The following POLDIP3 variants were observed in gnomAD, a reference collection of about 807,000 sequenced individuals.
POLDIP3 encodes the protein polymerase delta-interacting protein 3.
In POLDIP3, 14 loss-of-function variants were observed where a neutral mutation model predicts 45.1. The ratio of observed to expected loss-of-function variants is 0.31; its 90% CI spans 0.20 to 0.49. The LOEUF (loss-of-function observed/expected upper bound fraction) is 0.49, where lower values mean the gene tolerates loss of function less well. POLDIP3 is among the 20% of genes least tolerant of loss of function. The pLI, the probability that POLDIP3 is intolerant of heterozygous loss-of-function variation, is 0.99. For missense variants in POLDIP3, 511 were observed against 538.8 expected (o/e 0.95, Z 0.51); for synonymous variants, 223 against 205.2 (o/e 1.09, Z -0.74).
At chr22:42,612,551 C>T (rs965666639) in intron 1 of POLDIP3, among the ~76,000 whole-genome samples, 10 of 152,194 alleles carry the variant, frequency 6.6e-5, no homozygotes, top group East Asian at 1.9e-4. Context: ...CCTTCTGGCC[C>T]GGCGCAGTGT....
rs569033722 is a variant in POLDIP3 at position 42,602,031 on chromosome 22, G to A, written c.476C>T (p.Pro159Leu). Reference sequence around the variant, plus strand: ...CATTCCGGCAGGATGGGGATGAAGTGGTGCCATGGCTTTCTGCTGTGGAAC... The same window carrying A: ...CATTCCGGCAGGATGGGGATGAAGTAGTGCCATGGCTTTCTGCTGTGGAAC... ...IQVPQQKAMAPLHPHPAGMRI... is the reference protein window; with the variant it reads ...IQVPQQKAMALLHPHPAGMRI... The change falls in exon 3 of 9, where the codon CCA becomes CTA. Residue 159 changes from proline to leucine, a missense_variant. Pro to Leu is a moderately conservative substitution (Grantham distance 98). This residue lies in a region of POLDIP3 where 378 missense variants were observed against 352.3 expected (regional missense o/e 1.07). Coordinates refer to ENST00000252115, the MANE Select transcript of POLDIP3 (RefSeq NM_032311.5). 2 of 1,614,142 alleles carry A rather than the reference G, an allele frequency of 1.2e-6. No homozygotes were observed. The highest frequency in any genetic ancestry group is 1.7e-6 in the Non-Finnish European group (2 of 1,180,002).
chr22:42,598,738 C>T (rs1276557982), intron 4 of POLDIP3, among the ~76,000 whole-genome samples: 1 of 152,172 alleles, frequency 6.6e-6, no homozygotes, highest in Admixed American at 6.6e-5. Flanking sequence ...AGGACAGTAA[C>T]CAAAACTGAG....
intron 1 of POLDIP3, among the ~76,000 whole-genome samples, chr22:42,606,456 C>A (rs972249343): frequency 1.3e-5 from 2 of 152,050 alleles, no homozygotes; most frequent in African/African-American, 4.8e-5. Context: ...TATAGTGAGA[C>A]TCCATCTCTA....
chr22:42,584,849 G>C lies in POLDIP3; in HGVS notation c.*942C>G. ...ACTGTCCTGTAGACAACTGAGGCCA[G>C]AAATGGAGAGCCAGGAACAAACTGA... is the stretch of plus-strand genomic sequence containing the variant. On this transcript the variant is annotated 3_prime_UTR_variant, in exon 9 of 9. Coordinates refer to ENST00000252115, the MANE Select transcript of POLDIP3 (RefSeq NM_032311.5). The C allele has an allele frequency of 2.2e-6, 1 of 455,506 alleles. No homozygotes were observed. The highest frequency in any genetic ancestry group is 1.6e-5 in the South Asian group (1 of 64,516). The allele number at this position is 455,506 out of a possible 1,614,324, so 28.2% of individuals were successfully genotyped here. A position where few individuals can be genotyped will look rare whatever the true frequency, so the allele number is the denominator to read the frequency against.
chr22:42,613,887 T>A (rs1245715510), intron 1 of POLDIP3, among the ~76,000 whole-genome samples: 2 of 152,252 alleles, frequency 1.3e-5, no homozygotes, highest in Admixed American at 1.3e-4. Context: ...TGGGAAACTA[T>A]TGGGCAAAGT....
intron 2 of POLDIP3, 160 bp from the exon 3 acceptor site, chr22:42,602,216 A>C: frequency 8.6e-7 from 1 of 1,161,460 alleles, no homozygotes; most frequent in Non-Finnish European, 1.2e-6. Context: ...GTAACAGAAG[A>C]ATCATCAATC....
chr22:42,587,364 A>G (rs1925374707), intron 8 of POLDIP3, 142 bp downstream of exon 8: 1 of 859,754 alleles, frequency 1.2e-6, no homozygotes, highest in East Asian at 2.4e-5. Flanking sequence ...AAGTTTAAGC[A>G]TATGAAACGG....
chr22:42,591,882 C>T, intron 7 of POLDIP3, 73 bp downstream of exon 7: 2 of 1,594,132 alleles, frequency 1.3e-6, no homozygotes, highest in Non-Finnish European at 1.7e-6. Context: ...GAGACTTCCC[C>T]TGGAAGGCCT....
At position 42,584,987 on chromosome 22, in the gene POLDIP3, A is replaced by C; in HGVS notation, c.*804T>G. The C allele has an allele frequency of 2.2e-6, 1 of 456,352 alleles. No homozygotes were observed. Among genetic ancestry groups the C allele is most frequent in the Admixed American group, 2.3e-5 (1 of 42,580 alleles). 28.3% of individuals were successfully genotyped at this position (456,352 alleles called of 1,614,324 possible). On this transcript the variant is annotated 3_prime_UTR_variant, in exon 9 of 9. Transcript: ENST00000252115. Reference sequence around the variant, plus strand: ...GCTACACAAAACCAGGGTGTGGTTAAGTGCCAGGCGAGGTGAGAACCGGGA... The same window carrying C: ...GCTACACAAAACCAGGGTGTGGTTACGTGCCAGGCGAGGTGAGAACCGGGA...
Position 42,602,963 on chromosome 22 carries a change from C to T in POLDIP3, c.257G>A (p.Arg86Gln), listed in dbSNP as rs763386133. ...EKLLQKDARF[R>Q]IKGKVQDARE... ...GGCATCCTGCACTTTCCCTTTGATT[C>T]GAAATCGGGCATCTTTCTGCAAAAG... Residue 86 changes from arginine to glutamine, a missense_variant, in exon 2 of 9, where the codon CGA becomes CAA. This residue lies in a region of POLDIP3 where 378 missense variants were observed against 352.3 expected (regional missense o/e 1.07). Coordinates refer to ENST00000252115, the MANE Select transcript of POLDIP3 (RefSeq NM_032311.5). 7 of 1,613,836 alleles carry T rather than the reference C, an allele frequency of 4.3e-6. No homozygotes were observed. Among genetic ancestry groups the T allele is most frequent in the Admixed American group, 1.7e-5 (1 of 59,970 alleles).
rs1470348149 is a variant in POLDIP3, at chr22:42,596,088, T to G, written c.813+98A>C. The G allele has an allele frequency of 3.7e-6, 5 of 1,359,076 alleles. No homozygotes were observed. In the African/African-American group the frequency reaches 7.2e-5, roughly 20 times the overall value. 84.2% of individuals were successfully genotyped at this position (1,359,076 alleles called of 1,614,324 possible). On this transcript the variant is annotated intron_variant, in intron 5 of 8. Transcript: ENST00000252115. ...CTCATCTGTAGAATGGGGGTGGCAA[T>G]GCCCACCTCACAAAGGCGTTGTGGG...
chr22:42,585,765 C>G lies in POLDIP3; in HGVS notation c.*26G>C. 1 of 1,601,684 alleles carries G rather than the reference C, an allele frequency of 6.2e-7. No homozygotes were observed. The highest frequency in any genetic ancestry group is 8.5e-7 in the Non-Finnish European group (1 of 1,173,732). ...AAACAGAGCCACCCTCCTCTGCCCCCACTTCTGGCTGCCTCACTCCCCTGC... is the reference window on the plus strand; with the variant it reads ...AAACAGAGCCACCCTCCTCTGCCCCGACTTCTGGCTGCCTCACTCCCCTGC... On this transcript the variant is annotated 3_prime_UTR_variant, in exon 9 of 9. Coordinates refer to ENST00000252115, the MANE Select transcript of POLDIP3 (RefSeq NM_032311.5).
In POLDIP3 at chr22:42,585,884, G is replaced by T. The variant is rs137088; in HGVS notation, c.1173C>A (p.Ala391=). The T allele has an allele frequency of 6.2e-7, 1 of 1,612,982 alleles. No homozygotes were observed. The highest frequency in any genetic ancestry group is 2.2e-5 in the East Asian group (1 of 44,896). The change falls in exon 9 of 9, where the codon GCC becomes GCA. Residue 391 remains alanine, a synonymous_variant. Coordinates refer to ENST00000252115, the MANE Select transcript of POLDIP3 (RefSeq NM_032311.5). ...TCAGGATGGTGTCAGGGTCCACTTC[G>T]GCAGGGGGGTTGGAGGAGGAGGCAG... ...VNSASSSNPP[A]EVDPDTILKA...
At chr22:42,613,444 G>A (rs1457774293) in intron 1 of POLDIP3, among the ~76,000 whole-genome samples, 3 of 152,164 alleles carry the variant, frequency 2.0e-5, no homozygotes, top group Admixed American at 2.0e-4. Flanking sequence ...CCTAACCACA[G>A]GCATACGGGT....
chr22:42,584,019 A>T lies in POLDIP3; in HGVS notation c.*1772T>A, dbSNP rs1925133266. On this transcript the variant is annotated 3_prime_UTR_variant, in exon 9 of 9. Coordinates refer to ENST00000252115, the MANE Select transcript of POLDIP3 (RefSeq NM_032311.5). ...TCAATGAAACTCTGTGACAACCAGA[A>T]GATACCTGCTTTGGGATGAGAGGGA... 6.6e-6 allele frequency: 1 copy of T among 152,450 alleles called. No homozygotes were observed. The highest frequency in any genetic ancestry group is 6.6e-5 in the Admixed American group (1 of 15,264). The allele number at this position is 152,450 out of a possible 1,614,324, so 9.4% of individuals were successfully genotyped here.
chr22:42,585,843 G>T lies in POLDIP3; in HGVS notation c.1214C>A (p.Ser405Tyr), dbSNP rs1235527218. 1 of 1,613,030 alleles carries T rather than the reference G, an allele frequency of 6.2e-7. No homozygotes were observed. Among genetic ancestry groups the T allele is most frequent in the Non-Finnish European group, 8.5e-7 (1 of 1,180,010 alleles). Residue 405 changes from serine (S) to tyrosine (Y), a missense_variant, in exon 9 of 9, where the codon TCC (serine) becomes TAC (tyrosine). Coordinates refer to ENST00000252115, the MANE Select transcript of POLDIP3 (RefSeq NM_032311.5). The part of the protein sequence containing the change: ...PDTILKALFK[S>Y]SGASVTTQPT... ...CTGCGTGGTCACAGAGGCCCCTGAG[G>T]ACTTGAAGAGTGCCTTCAGGATGGT...
At chr22:42,587,666 G>T (rs1437427901) in intron 7 of POLDIP3, 94 bp from the exon 8 acceptor site, 13 of 1,212,398 alleles carry the variant, frequency 1.1e-5, no homozygotes, top group Admixed American at 1.8e-5. Flanking sequence ...AATGGTCAAA[G>T]CACCCACCAC....
intron 2 of POLDIP3, 37 bp downstream of exon 2, chr22:42,602,733 A>G (rs757576782): frequency 8.9e-5 from 138 of 1,554,350 alleles, no homozygotes; most frequent in Non-Finnish European, 1.2e-4. Context: ...CTTTGTTACT[A>G]GCTTTCTGGG....
chr22:42,603,006 T>G lies in POLDIP3; in HGVS notation c.214A>C (p.Lys72Gln), dbSNP rs778917162. The G allele has an allele frequency of 6.2e-7, 1 of 1,614,152 alleles. No homozygotes were observed. Among genetic ancestry groups the G allele is most frequent in the Non-Finnish European group, 8.5e-7 (1 of 1,180,024 alleles). ...LSDARLKLGV[K>Q]DAREKLLQKD... Reference sequence around the variant, plus strand: ...TGCAAAAGCTTCTCCCGGGCATCCTTGACTCCCAGTTTGAGCCGGGCATCT... The same window carrying G: ...TGCAAAAGCTTCTCCCGGGCATCCTGGACTCCCAGTTTGAGCCGGGCATCT... The change falls in exon 2 of 9, where the codon AAG (lysine) becomes CAG (glutamine). Residue 72 changes from lysine (K) to glutamine (Q), a missense_variant. Coordinates refer to ENST00000252115, the MANE Select transcript of POLDIP3 (RefSeq NM_032311.5).
Sources: gnomAD v4.1 joint callset for allele counts (sites outside exome capture counted in the v4.1 genomes callset) on GRCh38, gnomAD v4.1.1 for gene constraint, gnomAD v4.1.1 regional missense constraint, MANE v1.5 for transcripts, NCBI Gene and HGNC (gene_info 2026-07-23, HGNC 2026-07-21) for gene names.